The following KCNIP1 variants were observed in gnomAD, a reference collection of about 807,000 sequenced individuals.
The protein encoded by KCNIP1 is potassium voltage-gated channel interacting protein 1, also known as A-type potassium channel modulatory protein KCNIP1.
In KCNIP1, 18 loss-of-function variants were observed where a neutral mutation model predicts 33.0. The ratio of observed to expected loss-of-function variants is 0.55; its 90% CI spans 0.38 to 0.81. The LOEUF (loss-of-function observed/expected upper bound fraction) is 0.81. KCNIP1 is among the 30% of genes least tolerant of loss of function. The pLI, the probability that KCNIP1 is intolerant of heterozygous loss-of-function variation, is 0.00. For synonymous variants in KCNIP1, 93 were observed against 98.3 expected (o/e 0.95, Z 0.32); for missense variants, 238 against 271.6 (o/e 0.88, Z 0.87).
intron 1 of KCNIP1, among the ~76,000 whole-genome samples, chr5:170,484,430 C>T (rs1757040759): frequency 6.6e-6 from 1 of 152,112 alleles, no homozygotes; most frequent in Admixed American, 6.5e-5. Context: ...GCAGGTGACT[C>T]CCAGCCAGCA....
intron 1 of KCNIP1, among the ~76,000 whole-genome samples, chr5:170,540,367 G>C (rs1258122954): frequency 2.0e-5 from 3 of 152,196 alleles, no homozygotes; most frequent in African/African-American, 7.2e-5. Flanking sequence ...CAGTAAGCAG[G>C]CTGCTAGAGC....
In KCNIP1 at chr5:170,635,010, A is replaced by C. The variant is rs189473242; in HGVS notation, c.62-83748A>C. The stretch of plus-strand genomic sequence containing the variant: ...TCTTGCTTCCATATATAAATGTAAT[A>C]AGAAAATCTTTTATTTATTATTTAT... On this transcript the variant is annotated intron_variant, in intron 1 of 7. Transcript: ENST00000328939. 1.6e-3 allele frequency among the ~76,000 whole-genome samples: 243 copies of C among 152,290 alleles called. 1 individual carries two copies. The highest frequency in any genetic ancestry group is 5.6e-3 in the African/African-American group (233 of 41,580).
chr5:170,676,766 G>A (rs1026656789), intron 1 of KCNIP1, among the ~76,000 whole-genome samples: 2 of 152,144 alleles, frequency 1.3e-5, no homozygotes, highest in African/African-American at 2.4e-5. Flanking sequence ...ATTGCACCAC[G>A]GGGCCTCTCC....
At chr5:170,710,359 G>A (rs143481804) in intron 1 of KCNIP1, among the ~76,000 whole-genome samples, 4 of 152,130 alleles carry the variant, frequency 2.6e-5, no homozygotes, top group African/African-American at 9.6e-5. Context: ...CTGGTTCTCT[G>A]GTGGAATTAT....
chr5:170,552,893 G>C (rs1756704987), intron 1 of KCNIP1, among the ~76,000 whole-genome samples: 1 of 152,184 alleles, frequency 6.6e-6, no homozygotes, highest in African/African-American at 2.4e-5. Context: ...CGATGAGTGG[G>C]GCCCAGAGCT....
chr5:170,652,344 G>A (rs763772438), intron 1 of KCNIP1, among the ~76,000 whole-genome samples: 29 of 152,020 alleles, frequency 1.9e-4, no homozygotes, highest in Non-Finnish European at 3.2e-4. Flanking sequence ...AGTTAGCCAA[G>A]TGTGATGACA....
At chr5:170,619,608 A>C (rs565593227) in intron 1 of KCNIP1, among the ~76,000 whole-genome samples, 1 of 152,332 alleles carries the variant, frequency 6.6e-6, no homozygotes, top group East Asian at 1.9e-4. Context: ...CATCAGTGCC[A>C]AAAACAGAAA....
intron 1 of KCNIP1, among the ~76,000 whole-genome samples, chr5:170,626,728 G>C (rs1687304925): frequency 6.6e-6 from 1 of 152,222 alleles, no homozygotes; most frequent in Non-Finnish European, 1.5e-5. Context: ...AGCCGAGGCT[G>C]GGTGAATGCT....
intron 1 of KCNIP1, among the ~76,000 whole-genome samples, chr5:170,370,913 G>T (rs1234033566): frequency 2.0e-5 from 3 of 152,186 alleles, no homozygotes; most frequent in African/African-American, 7.2e-5. Flanking sequence ...TGCCAAGAAG[G>T]TATGACATGG....
intron 1 of KCNIP1, among the ~76,000 whole-genome samples, chr5:170,368,558 C>T (rs751182121): frequency 1.3e-5 from 2 of 152,100 alleles, no homozygotes; most frequent in African/African-American, 2.4e-5. Context: ...CCACCGTGCC[C>T]GGCCTAAAGT....
intron 1 of KCNIP1, among the ~76,000 whole-genome samples, chr5:170,357,062 C>T (rs543391708): frequency 1.2e-4 from 19 of 152,250 alleles, no homozygotes; most frequent in African/African-American, 3.6e-4. Context: ...CCCACTCCCA[C>T]CCCTCTGGCT....
At chr5:170,712,217 C>T (rs1382618747) in intron 1 of KCNIP1, among the ~76,000 whole-genome samples, 1 of 152,212 alleles carries the variant, frequency 6.6e-6, no homozygotes, top group East Asian at 1.9e-4. Context: ...CTCTGCCACA[C>T]ATCCTAATGG....
chr5:170,606,003 G>A (rs986649427), intron 1 of KCNIP1, among the ~76,000 whole-genome samples: 1 of 152,162 alleles, frequency 6.6e-6, no homozygotes, highest in African/African-American at 2.4e-5. Context: ...TTGAACTCCT[G>A]ACCTCAGGTG....
intron 1 of KCNIP1, among the ~76,000 whole-genome samples, chr5:170,526,813 A>G (rs1232060830): frequency 6.9e-6 from 1 of 145,098 alleles, no homozygotes; most frequent in Non-Finnish European, 1.5e-5. Context: ...ACCTCCACCT[A>G]CCAGGTTCCA....
chr5:170,731,872 CAAAAAAAAAA>C (rs1157286321), intron 5 of KCNIP1, among the ~76,000 whole-genome samples: 3 of 16,910 alleles, frequency 1.8e-4, no homozygotes, highest in African/African-American at 4.6e-4. Flanking sequence ...GACTCCGTCT[CAAAAAAAAAA>C]AAAAAAAAAA....
At position 170,408,478 on chromosome 5, in the gene KCNIP1, C is replaced by T. The variant is rs762209236; in HGVS notation, c.88+54514C>T. On this transcript the variant is annotated intron_variant, in intron 1 of 7. Coordinates refer to the KCNIP1 transcript ENST00000377360. ...GCCAGGTGTCTGTGATTTCCAAGAG[C>T]GTGAGCAGAATCATCCTGCACCCCA... Among the ~76,000 whole-genome samples, 7 of 152,160 alleles carry T rather than the reference C, an allele frequency of 4.6e-5. 1 individual carries two copies. The highest frequency in any genetic ancestry group is 4.1e-4 in the South Asian group (2 of 4,828).
At chr5:170,363,209 A>C (rs1220675212) in intron 1 of KCNIP1, among the ~76,000 whole-genome samples, 2 of 152,198 alleles carry the variant, frequency 1.3e-5, no homozygotes, top group Non-Finnish European at 1.5e-5. Flanking sequence ...ACTGTGGTTG[A>C]AAAGGTCATG....
chr5:170,696,781 G>T (rs1359846550), intron 1 of KCNIP1, among the ~76,000 whole-genome samples: 1 of 152,118 alleles, frequency 6.6e-6, no homozygotes, highest in African/African-American at 2.4e-5. Context: ...GTGTAGGAGG[G>T]TGACTTTGTA....
At chr5:170,700,349 A>G (rs180848588) in intron 1 of KCNIP1, among the ~76,000 whole-genome samples, 2 of 152,268 alleles carry the variant, frequency 1.3e-5, no homozygotes, top group East Asian at 1.9e-4. Context: ...GTAATCAAAC[A>G]TTATTTTTAA....
Sources: gnomAD v4.1 joint callset for allele counts (sites outside exome capture counted in the v4.1 genomes callset) on GRCh38, gnomAD v4.1.1 for gene constraint, MANE v1.5 for transcripts, NCBI Gene and HGNC (gene_info 2026-07-23, HGNC 2026-07-21) for gene names.